Variants in EXOC6B observed in about 807,000 individuals in gnomAD.
EXOC6B encodes the protein SEC15 homolog B.
EXOC6B carries 54 observed loss-of-function variants against 113.5 expected under a neutral mutation model. That is an observed-to-expected ratio of 0.48 (90% CI 0.38 to 0.60). EXOC6B has a LOEUF of 0.60. EXOC6B is among the 20% of genes least tolerant of loss of function. The pLI, the probability that EXOC6B is intolerant of heterozygous loss-of-function variation, is 0.00. For missense variants in EXOC6B, 797 were observed against 977.5 expected (o/e 0.82, Z 2.46); for synonymous variants, 357 against 339.0 (o/e 1.05, Z -0.58).
chr2:72,492,790 G>T (rs1032145573), intron 15 of EXOC6B, among the ~76,000 whole-genome samples: 1 of 151,194 alleles, frequency 6.6e-6, no homozygotes. Flanking sequence ...TTTATTTTTG[G>T]GAATGCCTTC....
chr2:72,494,907 G>C (rs550638669), intron 15 of EXOC6B, among the ~76,000 whole-genome samples: 1 of 152,126 alleles, frequency 6.6e-6, no homozygotes, highest in Non-Finnish European at 1.5e-5. Context: ...ACTCTAGCAC[G>C]TATAGAAAAT....
At chr2:72,646,989 T>A (rs1299450675) in intron 6 of EXOC6B, among the ~76,000 whole-genome samples, 1 of 152,140 alleles carries the variant, frequency 6.6e-6, no homozygotes, top group Non-Finnish European at 1.5e-5. Context: ...GGTATTCAAT[T>A]AGGAAAAGAG....
chr2:72,811,332 C>T (rs906854834), intron 1 of EXOC6B, among the ~76,000 whole-genome samples: 4 of 152,000 alleles, frequency 2.6e-5, no homozygotes, highest in African/African-American at 9.7e-5. Context: ...AAAAAAAAGG[C>T]ACGATAAATT....
intron 20 of EXOC6B, among the ~76,000 whole-genome samples, chr2:72,261,349 T>A (rs7558666): frequency 0.19 from 28,975 of 152,178 alleles, 4,250 homozygotes; most frequent in African/African-American, 0.41. Flanking sequence ...ATGCCTTATC[T>A]ATTCTCATAC....
intron 6 of EXOC6B, among the ~76,000 whole-genome samples, chr2:72,614,669 C>T (rs1283171643): frequency 6.6e-6 from 1 of 152,076 alleles, no homozygotes; most frequent in African/African-American, 2.4e-5. Flanking sequence ...CTGCTTAAAA[C>T]AAGTAAAAAC....
chr2:72,648,472 C>A (rs1673909699), intron 6 of EXOC6B, among the ~76,000 whole-genome samples: 1 of 152,210 alleles, frequency 6.6e-6, no homozygotes, highest in Non-Finnish European at 1.5e-5. Flanking sequence ...TATAAAGACA[C>A]ATGTACACAT....
At chr2:72,308,503 GAGA>G (rs1687016342) in intron 20 of EXOC6B, among the ~76,000 whole-genome samples, 1 of 152,188 alleles carries the variant, frequency 6.6e-6, no homozygotes, top group African/African-American at 2.4e-5. Context: ...TTCTGCTACT[GAGA>G]AGACACCTGT....
intron 18 of EXOC6B, among the ~76,000 whole-genome samples, chr2:72,427,442 C>T (rs1252466900): frequency 1.3e-5 from 2 of 152,200 alleles, no homozygotes; most frequent in African/African-American, 4.8e-5. Context: ...CCTGGCCTCT[C>T]CCCACTCCTG....
chr2:72,795,150 ATAGAAT>A (rs1202375565), intron 1 of EXOC6B, among the ~76,000 whole-genome samples: 1 of 152,188 alleles, frequency 6.6e-6, no homozygotes, highest in African/African-American at 2.4e-5. Flanking sequence ...GGGTTGGAAG[ATAGAAT>A]TAGAGGAGAA....
intron 1 of EXOC6B, among the ~76,000 whole-genome samples, chr2:72,781,850 G>C (rs1010572404): frequency 6.6e-6 from 1 of 151,948 alleles, no homozygotes; most frequent in Admixed American, 6.6e-5. Flanking sequence ...GAAATATTGA[G>C]TATATAGGCC....
chr2:72,690,794 C>T (rs910781947), intron 6 of EXOC6B, among the ~76,000 whole-genome samples: 2 of 152,164 alleles, frequency 1.3e-5, no homozygotes, highest in Non-Finnish European at 2.9e-5. Flanking sequence ...GTCAGGTACT[C>T]AGTTAACTTA....
At chr2:72,413,851 A>T (rs1032806251) in intron 18 of EXOC6B, among the ~76,000 whole-genome samples, 14 of 152,104 alleles carry the variant, frequency 9.2e-5, no homozygotes, top group African/African-American at 3.4e-4. Flanking sequence ...CATTTCTAAC[A>T]AGTTGTCTAG....
At chr2:72,321,556 G>C (rs1289124121) in intron 20 of EXOC6B, among the ~76,000 whole-genome samples, 1 of 148,028 alleles carries the variant, frequency 6.8e-6, no homozygotes, top group East Asian at 1.9e-4. Flanking sequence ...AAAAAAAATG[G>C]AGTACTAACA....
chr2:72,446,611 G>A (rs1696598811), intron 18 of EXOC6B, among the ~76,000 whole-genome samples: 2 of 152,122 alleles, frequency 1.3e-5, no homozygotes, highest in South Asian at 2.1e-4. Context: ...CAGACACTGG[G>A]GTGTACTAGA....
At chr2:72,469,695 G>A (rs189213516) in intron 17 of EXOC6B, among the ~76,000 whole-genome samples, 2 of 151,962 alleles carry the variant, frequency 1.3e-5, no homozygotes, top group Admixed American at 6.6e-5. Context: ...AACATGGTGC[G>A]TCTTGGTGAA....
intron 20 of EXOC6B, among the ~76,000 whole-genome samples, chr2:72,312,920 G>A (rs1454691599): frequency 6.6e-6 from 1 of 151,964 alleles, no homozygotes; most frequent in Non-Finnish European, 1.5e-5. Context: ...CTAGATGCTG[G>A]CAGTATCACA....
intron 6 of EXOC6B, among the ~76,000 whole-genome samples, chr2:72,666,823 A>ACACACAC (rs371185400): frequency 2.2e-5 from 3 of 137,344 alleles, no homozygotes; most frequent in Non-Finnish European, 3.2e-5. Flanking sequence ...ACACACACAC[A>ACACACAC]AAGAAATGCC....
chr2:72,391,858 T>C (rs940323275), intron 18 of EXOC6B, among the ~76,000 whole-genome samples: 1 of 152,156 alleles, frequency 6.6e-6, no homozygotes, highest in Admixed American at 6.5e-5. Context: ...CTGAGCAACA[T>C]AGTGAGACTC....
chr2:72,472,502 A>G (rs766593515), intron 17 of EXOC6B, among the ~76,000 whole-genome samples: 2 of 152,112 alleles, frequency 1.3e-5, no homozygotes, highest in Non-Finnish European at 2.9e-5. Flanking sequence ...ATATTTGTTC[A>G]TAACAGTCCC....
Sources: allele counts gnomAD v4.1 joint callset (sites outside exome capture counted in the v4.1 genomes callset), GRCh38; gene constraint gnomAD v4.1.1; transcripts MANE v1.5; gene names NCBI Gene and HGNC (gene_info 2026-07-23, HGNC 2026-07-21).